PLXNA2: variants seen among roughly 807,000 people sequenced by gnomAD.
PLXNA2 encodes plexin A2, also known as plexin-A2.
PLXNA2 carries 91 observed loss-of-function variants against 193.5 expected under a neutral mutation model. That is an observed-to-expected ratio of 0.47 (90% CI 0.40 to 0.56). The LOEUF (loss-of-function observed/expected upper bound fraction) is 0.56. PLXNA2 is among the 20% of genes least tolerant of loss of function. PLXNA2 has a pLI of 0.00. For synonymous variants in PLXNA2, 997 were observed against 1,027.3 expected, an observed-to-expected ratio of 0.97 and a Z score of 0.56; for missense variants, 1,995 against 2,503.2, an observed-to-expected ratio of 0.80 and a Z score of 4.33.
At chr1:208,030,610 T>A (rs1284119193) in intron 29 of PLXNA2, 11 of 985,148 alleles carry the variant, frequency 1.1e-5, no homozygotes, top group Non-Finnish European at 1.1e-5. Context: ...AAGGAAGAGA[T>A]GGGGCTGGGG....
intron 3 of PLXNA2, among the ~76,000 whole-genome samples, chr1:208,175,745 G>A (rs1452863164): frequency 6.6e-6 from 1 of 152,220 alleles, no homozygotes; most frequent in East Asian, 1.9e-4. Context: ...GCCCCAGGGA[G>A]CAACAACCTG....
chr1:208,155,310 T>C (rs977577323), intron 3 of PLXNA2, among the ~76,000 whole-genome samples: 2 of 151,918 alleles, frequency 1.3e-5, no homozygotes, highest in Non-Finnish European at 2.9e-5. Context: ...CTTTGTGAAA[T>C]AGAGAAAAGC....
At chr1:208,053,579 T>A (rs1417375831) in intron 14 of PLXNA2, among the ~76,000 whole-genome samples, 1 of 152,238 alleles carries the variant, frequency 6.6e-6, no homozygotes, top group Non-Finnish European at 1.5e-5. Context: ...AATAGAATTT[T>A]GTGCTCCAAA....
chr1:208,167,640 G>A (rs1239877176), intron 3 of PLXNA2, among the ~76,000 whole-genome samples: 1 of 152,162 alleles, frequency 6.6e-6, no homozygotes, highest in Non-Finnish European at 1.5e-5. Context: ...GCCATCTCAG[G>A]ACCCCTGGTG....
chr1:208,229,372 C>T (rs1305357604), intron 1 of PLXNA2, among the ~76,000 whole-genome samples: 11 of 152,136 alleles, frequency 7.2e-5, no homozygotes, highest in Admixed American at 4.6e-4. Flanking sequence ...TCTTGGTATC[C>T]GTGCAGGGCT....
chr1:208,128,964 G>A (rs780763011), intron 4 of PLXNA2, among the ~76,000 whole-genome samples: 20 of 152,220 alleles, frequency 1.3e-4, no homozygotes, highest in Admixed American at 4.6e-4. Context: ...CAAAGTGCTG[G>A]GATTACAGGC....
At chr1:208,091,108 C>T (rs1666691443) in intron 9 of PLXNA2, among the ~76,000 whole-genome samples, 1 of 152,190 alleles carries the variant, frequency 6.6e-6, no homozygotes, top group African/African-American at 2.4e-5. Context: ...GAGGAAAATG[C>T]TTTTCTGAAA....
chr1:208,236,283 G>A lies in PLXNA2; in HGVS notation c.-81+7360C>T, dbSNP rs1256421446. ...TTTGTTCCTCAGGAGAAAAAAATGG[G>A]AAACCGGGGAGCAGTCAGGGGAGGT... On this transcript the variant is annotated intron_variant, in intron 1 of 31. Coordinates refer to ENST00000367033, the MANE Select transcript of PLXNA2 (RefSeq NM_025179.4). This position sits in a 1 kb window ranked among gnomAD's most constrained non-coding sequence, Gnocchi z 4.4. Among the ~76,000 whole-genome samples the A allele has an allele frequency of 6.6e-6, 1 of 152,174 alleles. No homozygotes were observed. Among genetic ancestry groups the A allele is most frequent in the African/African-American group, 2.4e-5 (1 of 41,432 alleles).
At chr1:208,120,834 G>A (rs1284613228) in intron 4 of PLXNA2, among the ~76,000 whole-genome samples, 1 of 152,174 alleles carries the variant, frequency 6.6e-6, no homozygotes, top group African/African-American at 2.4e-5. Context: ...GTCAGAGGGT[G>A]CAGAGAGATG....
chr1:208,242,224 A>G (rs1021512333), intron 1 of PLXNA2, among the ~76,000 whole-genome samples: 1 of 152,100 alleles, frequency 6.6e-6, no homozygotes, highest in Non-Finnish European at 1.5e-5. Context: ...CCCAGAGGGA[A>G]GAGTGAAGTT....
intron 3 of PLXNA2, among the ~76,000 whole-genome samples, chr1:208,168,724 G>GTTT (rs10668701): frequency 0.066 from 4,835 of 72,878 alleles, 540 homozygotes; most frequent in East Asian, 0.27. Context: ...AGTATGCGGG[G>GTTT]TTTTTTTTTT....
chr1:208,205,013 A>G (rs1280928081), intron 3 of PLXNA2, among the ~76,000 whole-genome samples: 2 of 152,190 alleles, frequency 1.3e-5, no homozygotes, highest in Non-Finnish European at 2.9e-5. Context: ...GGAGCCCTGC[A>G]GGGATGTGAA....
chr1:208,024,634 C>G lies in PLXNA2; in HGVS notation c.*2609G>C, dbSNP rs955148831. On this transcript the variant is annotated 3_prime_UTR_variant, in exon 32 of 32. Transcript: ENST00000367033. ...CAATTGGCCATTGCCCCATCATTCTCCACGCTCTCCACAAACCTTCAAGGA... is the reference window on the plus strand; with the variant it reads ...CAATTGGCCATTGCCCCATCATTCTGCACGCTCTCCACAAACCTTCAAGGA... The G allele has an allele frequency of 1.3e-5, 2 of 152,378 alleles. No individual in the cohort carries two copies. Among genetic ancestry groups the G allele is most frequent in the Non-Finnish European group, 2.9e-5 (2 of 68,172 alleles). 9.4% of individuals were successfully genotyped at this position (152,378 alleles called of 1,614,324 possible).
intron 3 of PLXNA2, 94 bp from the exon 4 acceptor site, chr1:208,142,557 C>T (rs1428516111): frequency 2.4e-6 from 3 of 1,242,224 alleles, no homozygotes; most frequent in Non-Finnish European, 3.3e-6. Flanking sequence ...TACAGAAGAC[C>T]ATTGCTAACC....
At chr1:208,061,482 G>T (rs892441840) in intron 12 of PLXNA2, among the ~76,000 whole-genome samples, 1 of 152,164 alleles carries the variant, frequency 6.6e-6, no homozygotes, top group Non-Finnish European at 1.5e-5. Flanking sequence ...AAAGCAGTGG[G>T]AGTGTGGGGA....
Position 208,216,933 on chromosome 1 carries a change from G to C in PLXNA2, c.990C>G (p.Ser330Arg), listed in dbSNP as rs746962336. Residue 330 changes from serine (S) to arginine (R), a missense_variant, in exon 2 of 32, where the codon AGC becomes AGG. Transcript: ENST00000367033. ...DSLAQAFNIT[S>R]QDDVLFAIFS... ...AGATGGCAAAGAGTACATCGTCCTGGCTGGTGATATTGAAGGCCTGGGCCA... is the reference window on the plus strand; with the variant it reads ...AGATGGCAAAGAGTACATCGTCCTGCCTGGTGATATTGAAGGCCTGGGCCA... 2.5e-6 allele frequency: 4 copies of C among 1,614,088 alleles called. No individual in the cohort carries two copies. The highest frequency in any genetic ancestry group is 3.4e-6 in the Non-Finnish European group (4 of 1,180,056).
intron 9 of PLXNA2, 114 bp downstream of exon 9, chr1:208,092,672 G>A (rs1022094188): frequency 9.4e-6 from 6 of 635,302 alleles, no homozygotes; most frequent in Admixed American, 6.1e-5. Flanking sequence ...TGGCAAGACG[G>A]CCAAGATGGG....
intron 12 of PLXNA2, among the ~76,000 whole-genome samples, chr1:208,077,480 C>T (rs1666198445): frequency 6.6e-6 from 1 of 152,184 alleles, no homozygotes; most frequent in South Asian, 2.1e-4. Context: ...GTGGATGGTG[C>T]AGCTGCTGGG....
chr1:208,077,431 C>G (rs949346192), intron 12 of PLXNA2, among the ~76,000 whole-genome samples: 1 of 152,192 alleles, frequency 6.6e-6, no homozygotes, highest in Non-Finnish European at 1.5e-5. Context: ...CAGTGAGAAG[C>G]TTGCCTTCGG....
Sources: allele counts gnomAD v4.1 joint callset (sites outside exome capture counted in the v4.1 genomes callset), GRCh38; gene constraint gnomAD v4.1.1; non-coding constraint Gnocchi (gnomAD v3.1); transcripts MANE v1.5; gene names NCBI Gene and HGNC (gene_info 2026-07-23, HGNC 2026-07-21).